FRMD4A: variants seen among roughly 807,000 people sequenced by gnomAD.
FRMD4A encodes FERM domain-containing protein 4A.
In FRMD4A, 29 loss-of-function variants were observed where a neutral mutation model predicts 129.1. The observed-to-expected ratio is 0.22, with a 90% CI of 0.17 to 0.31. The LOEUF (loss-of-function observed/expected upper bound fraction) is 0.31, where lower values mean the gene tolerates loss of function less well. Ranked by LOEUF, FRMD4A falls within the 10% of genes least tolerant of loss-of-function variation. The pLI is 1.00. For missense variants in FRMD4A, 1,272 were observed against 1,375.8 expected, an observed-to-expected ratio of 0.92 and a Z score of 1.19; for synonymous variants, 634 against 571.6, an observed-to-expected ratio of 1.11 and a Z score of -1.56.
intron 4 of FRMD4A, among the ~76,000 whole-genome samples, chr10:13,797,730 T>C (rs926424028): frequency 2.0e-5 from 3 of 152,206 alleles, no homozygotes; most frequent in Admixed American, 6.5e-5. Flanking sequence ...ATTTCCCCCG[T>C]AGCTAATGCT....
intron 2 of FRMD4A, among the ~76,000 whole-genome samples, chr10:13,865,595 C>T (rs1451592359): frequency 6.6e-6 from 1 of 151,866 alleles, no homozygotes; most frequent in Non-Finnish European, 1.5e-5. Flanking sequence ...GGACTACAGG[C>T]ACACACCACC....
At chr10:13,648,694 G>C (rs61833190) in intron 24 of FRMD4A, 1 of 152,172 alleles carries the variant, frequency 6.6e-6, no homozygotes. Context: ...CAGTGACATC[G>C]GCTGGTACAC....
At chr10:13,769,238 T>TGC (rs1554888226) in intron 6 of FRMD4A, among the ~76,000 whole-genome samples, 1,663 of 148,236 alleles carry the variant, frequency 0.011, 28 homozygotes, top group African/African-American at 0.038. Flanking sequence ...TGTGTGTGTG[T>TGC]GCGTATGTGT....
chr10:14,277,374 G>A (rs889985091), intron 2 of FRMD4A, among the ~76,000 whole-genome samples: 1 of 152,218 alleles, frequency 6.6e-6, no homozygotes, highest in African/African-American at 2.4e-5. Flanking sequence ...ATTAGGTTAT[G>A]AGGGTAGAAC....
chr10:13,923,432 G>A (rs193116054), intron 2 of FRMD4A, among the ~76,000 whole-genome samples: 33 of 152,208 alleles, frequency 2.2e-4, no homozygotes, highest in African/African-American at 7.9e-4. Context: ...AGGCTCTGTG[G>A]GCAGGTCCCT....
intron 2 of FRMD4A, among the ~76,000 whole-genome samples, chr10:13,953,881 G>A (rs1223938182): frequency 6.6e-6 from 1 of 152,150 alleles, no homozygotes; most frequent in Admixed American, 6.5e-5. Flanking sequence ...GTAGACAACT[G>A]CATATTGTCA....
intron 2 of FRMD4A, among the ~76,000 whole-genome samples, chr10:14,261,829 C>G (rs1390144309): frequency 6.6e-6 from 1 of 152,018 alleles, no homozygotes; most frequent in African/African-American, 2.4e-5. Context: ...GTAAAGGTCT[C>G]TTAATACTTA....
At chr10:14,159,311 C>G (rs1470898228) in intron 2 of FRMD4A, among the ~76,000 whole-genome samples, 6 of 152,148 alleles carry the variant, frequency 3.9e-5, no homozygotes, top group Admixed American at 3.3e-4. Context: ...AACAGCATTT[C>G]TATATGCCAA....
intron 2 of FRMD4A, among the ~76,000 whole-genome samples, chr10:13,959,394 C>T (rs776631065): frequency 8.6e-5 from 12 of 140,132 alleles, no homozygotes; most frequent in Non-Finnish European, 1.7e-4. Context: ...ATTGTTTGAA[C>T]CCGGGAGGCA....
intron 2 of FRMD4A, among the ~76,000 whole-genome samples, chr10:13,898,793 T>C (rs2094787201): frequency 1.3e-5 from 2 of 152,222 alleles, no homozygotes; most frequent in Admixed American, 1.3e-4. Context: ...GGTTGTGTAA[T>C]CCTGTCCTTG....
At chr10:13,682,811 C>A (rs1253989707) in intron 15 of FRMD4A, among the ~76,000 whole-genome samples, 1 of 151,926 alleles carries the variant, frequency 6.6e-6, no homozygotes, top group Non-Finnish European at 1.5e-5. Context: ...CCTGGCCTCC[C>A]ATTTTCATAG....
intron 2 of FRMD4A, among the ~76,000 whole-genome samples, chr10:14,022,994 C>T (rs1270400022): frequency 6.6e-6 from 1 of 152,272 alleles, no homozygotes; most frequent in East Asian, 1.9e-4. Flanking sequence ...AGATCACCCC[C>T]AAGAGTGACT....
intron 2 of FRMD4A, among the ~76,000 whole-genome samples, chr10:14,089,492 CTA>C (rs1836508063): frequency 6.6e-6 from 1 of 152,050 alleles, no homozygotes; most frequent in Admixed American, 6.5e-5. Flanking sequence ...CCAGCCCGTT[CTA>C]TGTTTTCAGT....
rs112626402 is a variant in FRMD4A, at chr10:14,157,195, G to A, written c.45+172863C>T. Among the ~76,000 whole-genome samples, 3 of 152,338 alleles carry A rather than the reference G, an allele frequency of 2.0e-5. 1 individual carries two copies. The highest frequency in any genetic ancestry group is 7.2e-5 in the African/African-American group (3 of 41,584). On this transcript the variant is annotated intron_variant, in intron 2 of 24. Coordinates refer to ENST00000357447, the MANE Select transcript of FRMD4A (RefSeq NM_018027.5). The stretch of plus-strand genomic sequence containing the variant: ...CAGACCAATTTACTAAGAGGTCACA[G>A]GCTGGTTGCCCTAAGGCTGTGGGAC...
intron 2 of FRMD4A, among the ~76,000 whole-genome samples, chr10:13,942,898 A>G (rs1222456540): frequency 1.3e-5 from 2 of 151,944 alleles, no homozygotes; most frequent in Non-Finnish European, 2.9e-5. Flanking sequence ...GTGCCACTGC[A>G]CTCTAGCCTG....
intron 2 of FRMD4A, among the ~76,000 whole-genome samples, chr10:14,250,807 G>A (rs1343227338): frequency 6.6e-6 from 1 of 152,210 alleles, no homozygotes; most frequent in East Asian, 1.9e-4. Context: ...CAGTCTCAGG[G>A]GGAGGCCCAG....
intron 2 of FRMD4A, among the ~76,000 whole-genome samples, chr10:14,013,130 C>G (rs528360649): frequency 3.9e-5 from 6 of 152,208 alleles, no homozygotes; most frequent in African/African-American, 1.4e-4. Context: ...TGATTTTGTT[C>G]CTTATCATTC....
chr10:14,202,907 G>C (rs1385413605), intron 2 of FRMD4A, among the ~76,000 whole-genome samples: 1 of 152,014 alleles, frequency 6.6e-6, no homozygotes, highest in South Asian at 2.1e-4. Flanking sequence ...ACAATAGCTG[G>C]GACTACAAGG....
At chr10:13,863,680 T>G (rs2131054648) in intron 2 of FRMD4A, among the ~76,000 whole-genome samples, 1 of 150,760 alleles carries the variant, frequency 6.6e-6, no homozygotes, top group East Asian at 1.9e-4. Flanking sequence ...TATATAGGAG[T>G]AGATGTGCAA....
Sources: gnomAD v4.1 joint callset for allele counts (sites outside exome capture counted in the v4.1 genomes callset) on GRCh38, gnomAD v4.1.1 for gene constraint, MANE v1.5 for transcripts, NCBI Gene and HGNC (gene_info 2026-07-23, HGNC 2026-07-21) for gene names.